Variants in NUP160 observed in about 807,000 individuals in gnomAD.
NUP160 encodes the protein nucleoporin 160.
In NUP160, 94 loss-of-function variants were observed where a neutral mutation model predicts 196.9. The ratio of observed to expected loss-of-function variants is 0.48; its 90% CI spans 0.40 to 0.57. The LOEUF (loss-of-function observed/expected upper bound fraction) is 0.57, where lower values mean the gene tolerates loss of function less well. NUP160 is among the 20% of genes least tolerant of loss of function. NUP160 has a pLI of 0.00. For missense variants in NUP160, 1,638 were observed against 1,748.3 expected (o/e 0.94, Z 1.13); for synonymous variants, 605 against 619.7 (o/e 0.98, Z 0.35).
intron 11 of NUP160, among the ~76,000 whole-genome samples, chr11:47,817,492 G>T (rs891710438): frequency 6.6e-6 from 1 of 151,950 alleles, no homozygotes; most frequent in Non-Finnish European, 1.5e-5. Context: ...GACTATAGGC[G>T]TGTGCCACCA....
upstream of NUP160, chr11:47,848,469 G>C (rs1213993160): frequency 1.1e-5 from 15 of 1,372,926 alleles, no homozygotes; most frequent in Non-Finnish European, 1.5e-5. Flanking sequence ...GGCTTCCACC[G>C]GGAGAATGAG....
intron 23 of NUP160, among the ~76,000 whole-genome samples, chr11:47,801,558 C>G (rs1366376353): frequency 1.3e-5 from 2 of 152,134 alleles, no homozygotes; most frequent in Non-Finnish European, 2.9e-5. Flanking sequence ...GCATGTTGGC[C>G]AGGCTGGTCT....
chr11:47,837,660 A>G (rs1489871093), intron 4 of NUP160, 37 bp from the exon 5 acceptor site: 1 of 1,518,712 alleles, frequency 6.6e-7, no homozygotes, highest in East Asian at 2.3e-5. Context: ...GAACACACTT[A>G]GAGAAACCCA....
intron 29 of NUP160, among the ~76,000 whole-genome samples, chr11:47,789,680 ATATATAG>A (rs1435320954): frequency 6.6e-6 from 1 of 151,640 alleles, no homozygotes; most frequent in African/African-American, 2.4e-5. Context: ...ATTATATATA[ATATATAG>A]TATATAACGT....
At chr11:47,840,999 C>T (rs1221256486) in intron 2 of NUP160, among the ~76,000 whole-genome samples, 1 of 146,520 alleles carries the variant, frequency 6.8e-6, no homozygotes, top group African/African-American at 2.6e-5. Context: ...CCTGCAATAG[C>T]ATGCATGCGC....
intron 33 of NUP160, among the ~76,000 whole-genome samples, 179 bp from the exon 34 acceptor site, chr11:47,783,377 A>G (rs890682298): frequency 1.4e-4 from 20 of 138,030 alleles, no homozygotes; most frequent in Non-Finnish European, 2.1e-4. Context: ...GGGAGTTAGG[A>G]AAAAAAAAAA....
intron 13 of NUP160, among the ~76,000 whole-genome samples, chr11:47,814,039 C>A (rs2097682717): frequency 7.3e-6 from 1 of 136,960 alleles, no homozygotes. Flanking sequence ...CCACTGCACT[C>A]CAGCCTGGGT....
intron 10 of NUP160, among the ~76,000 whole-genome samples, chr11:47,818,821 T>A (rs1851793734): frequency 6.6e-6 from 1 of 152,174 alleles, no homozygotes; most frequent in South Asian, 2.1e-4. Flanking sequence ...AGTAGTTAAC[T>A]GGAACAATAA....
intron 7 of NUP160, among the ~76,000 whole-genome samples, chr11:47,831,893 C>CTTTTT: frequency 1.1e-5 from 1 of 93,288 alleles, no homozygotes; most frequent in African/African-American, 4.4e-5. Flanking sequence ...CTAATAAATT[C>CTTTTT]CTTTTTTTTT....
At chr11:47,831,159 T>C (rs941038302) in intron 7 of NUP160, among the ~76,000 whole-genome samples, 6 of 138,352 alleles carry the variant, frequency 4.3e-5, no homozygotes, top group African/African-American at 1.5e-4. Context: ...CAAGATTCCA[T>C]CTCAACAACA....
At chr11:47,806,364 C>T (rs768164334) in intron 19 of NUP160, 52 bp from the exon 20 acceptor site, 2 of 1,392,010 alleles carry the variant, frequency 1.4e-6, no homozygotes, top group Non-Finnish European at 2.0e-6. Context: ...TATCAATTTT[C>T]AATTAAAATA....
At chr11:47,829,748 G>A (rs549829466) in intron 7 of NUP160, among the ~76,000 whole-genome samples, 9 of 152,130 alleles carry the variant, frequency 5.9e-5, no homozygotes, top group South Asian at 4.2e-4. Context: ...AACATAACAC[G>A]CAAAACTATA....
intron 7 of NUP160, chr11:47,827,236 C>T (rs763832143): frequency 1.2e-5 from 5 of 429,660 alleles, no homozygotes; most frequent in Non-Finnish European, 2.3e-5. Flanking sequence ...TGGTCGCACA[C>T]ACCTGTGGTC....
intron 10 of NUP160, among the ~76,000 whole-genome samples, chr11:47,819,088 T>A (rs1851800791): frequency 6.6e-6 from 1 of 151,936 alleles, no homozygotes; most frequent in Non-Finnish European, 1.5e-5. Flanking sequence ...CCGAGGTGGG[T>A]GGATCACCTG....
chr11:47,781,714 T>C (rs557925365), intron 34 of NUP160, among the ~76,000 whole-genome samples: 1 of 152,248 alleles, frequency 6.6e-6, no homozygotes, highest in Non-Finnish European at 1.5e-5. Flanking sequence ...TTCATAAGGC[T>C]GCTATAAGGA....
chr11:47,818,517 C>A (rs1285420780), intron 10 of NUP160, among the ~76,000 whole-genome samples: 1 of 151,576 alleles, frequency 6.6e-6, no homozygotes, highest in Admixed American at 6.6e-5. Context: ...AGAAATGGAA[C>A]CAGTAATAAT....
intron 2 of NUP160, among the ~76,000 whole-genome samples, chr11:47,841,015 T>TATAC (rs1852285274): frequency 7.3e-6 from 1 of 137,042 alleles, no homozygotes; most frequent in Admixed American, 7.4e-5. Flanking sequence ...TGCGCACACA[T>TATAC]ATACACACAC....
rs1162901844 is a variant in NUP160, at chr11:47,820,234, A to G, written c.1278-776T>C. On this transcript the variant is annotated intron_variant, in intron 9 of 35. Transcript: ENST00000378460. Reference sequence around the variant, plus strand: ...GCCAAATTTAGCAGTGGAGGGCTGTATGCCAACTTTAGTGACACTAATGTT... The same window carrying G: ...GCCAAATTTAGCAGTGGAGGGCTGTGTGCCAACTTTAGTGACACTAATGTT... 5 of 152,222 alleles carry G rather than the reference A, an allele frequency of 3.3e-5. No homozygotes were observed. The East Asian group carries it at 9.6e-4, about 29-fold the overall frequency. 9.4% of individuals were successfully genotyped at this position (152,222 alleles called of 1,614,324 possible).
chr11:47,788,962 C>T lies in NUP160; in HGVS notation c.3512-351G>A, dbSNP rs533710326. Among the ~76,000 whole-genome samples the T allele has an allele frequency of 7.2e-5, 11 of 151,794 alleles. No individual in the cohort carries two copies. The South Asian group carries it at 1.0e-3, about 14-fold the overall frequency. On this transcript the variant is annotated intron_variant, in intron 29 of 35. Transcript: ENST00000378460. The stretch of plus-strand genomic sequence containing the variant: ...CATGATCTCGGCTCACTGCAACCTC[C>T]GCCTCTTGGGTTCATGTGATTCTCC...
Sources: gnomAD v4.1 joint callset for allele counts (sites outside exome capture counted in the v4.1 genomes callset) on GRCh38, gnomAD v4.1.1 for gene constraint, MANE v1.5 for transcripts, NCBI Gene and HGNC (gene_info 2026-07-23, HGNC 2026-07-21) for gene names.